SPAG16: variants seen among roughly 807,000 people sequenced by gnomAD.
The protein encoded by SPAG16 is sperm associated antigen 16.
In SPAG16, 86 loss-of-function variants were observed where a neutral mutation model predicts 80.4. That is an observed-to-expected ratio of 1.07 (90% CI 0.90 to 1.28). The LOEUF (loss-of-function observed/expected upper bound fraction) is 1.28, where lower values mean the gene tolerates loss of function less well. Ranked by LOEUF, SPAG16 falls within the 50% of genes most tolerant of loss-of-function variation. SPAG16 has a pLI of 0.00. For missense variants in SPAG16, 870 were observed against 765.3 expected, an observed-to-expected ratio of 1.14 and a Z score of -1.61; for synonymous variants, 294 against 265.9, an observed-to-expected ratio of 1.11 and a Z score of -1.03.
At chr2:213,981,888 C>A (rs1406492954) in intron 12 of SPAG16, among the ~76,000 whole-genome samples, 1 of 149,280 alleles carries the variant, frequency 6.7e-6, no homozygotes, top group African/African-American at 2.6e-5. Flanking sequence ...TGAAGGTATC[C>A]ATTTTCTTGG....
intron 15 of SPAG16, among the ~76,000 whole-genome samples, chr2:214,155,313 C>T (rs187605204): frequency 2.6e-5 from 4 of 152,258 alleles, no homozygotes; most frequent in Admixed American, 6.5e-5. Flanking sequence ...ATGGGAAAAC[C>T]TTACAATTCA....
chr2:214,359,659 T>C (rs1010448789), intron 15 of SPAG16, among the ~76,000 whole-genome samples: 3 of 151,808 alleles, frequency 2.0e-5, no homozygotes, highest in African/African-American at 4.8e-5. Flanking sequence ...GAACATAAAG[T>C]GTAGGTTAAA....
intron 9 of SPAG16, among the ~76,000 whole-genome samples, chr2:213,408,116 A>AG (rs2068765878): frequency 7.3e-6 from 1 of 137,124 alleles, no homozygotes; most frequent in African/African-American, 2.8e-5. Flanking sequence ...ACAAAAACAA[A>AG]GAAAAAAAAA....
intron 10 of SPAG16, among the ~76,000 whole-genome samples, chr2:213,531,968 A>G (rs2076085827): frequency 6.6e-6 from 1 of 152,146 alleles, no homozygotes; most frequent in Non-Finnish European, 1.5e-5. Flanking sequence ...ATTTTGATAC[A>G]AACACCCAAA....
chr2:214,314,099 T>C (rs1187826267), intron 15 of SPAG16, among the ~76,000 whole-genome samples: 1 of 152,148 alleles, frequency 6.6e-6, no homozygotes. Flanking sequence ...TAACATTGCA[T>C]TGTTACTACA....
At chr2:213,509,984 TATC>T (rs1339885158) in intron 10 of SPAG16, among the ~76,000 whole-genome samples, 1 of 151,964 alleles carries the variant, frequency 6.6e-6, no homozygotes, top group African/African-American at 2.4e-5. Context: ...ATAAAGGGGA[TATC>T]ACCACCGATC....
intron 9 of SPAG16, among the ~76,000 whole-genome samples, chr2:213,440,219 G>A (rs757448276): frequency 1.1e-4 from 16 of 152,042 alleles, no homozygotes; most frequent in Non-Finnish European, 1.9e-4. Context: ...TTCTCTATCC[G>A]ATATCACTTA....
intron 10 of SPAG16, among the ~76,000 whole-genome samples, chr2:213,557,839 T>A (rs1486049748): frequency 6.6e-6 from 1 of 152,186 alleles, no homozygotes; most frequent in Non-Finnish European, 1.5e-5. Context: ...TTAATTTTCT[T>A]CTCTATATTT....
chr2:214,032,147 A>G (rs1162363371), intron 13 of SPAG16, among the ~76,000 whole-genome samples: 1 of 152,158 alleles, frequency 6.6e-6, no homozygotes, highest in Non-Finnish European at 1.5e-5. Context: ...ATGAACTTCA[A>G]AGTATTTGTC....
intron 10 of SPAG16, among the ~76,000 whole-genome samples, chr2:213,705,230 A>G (rs571392071): frequency 1.3e-5 from 2 of 152,004 alleles, no homozygotes; most frequent in East Asian, 3.9e-4. Context: ...CCTGGGCAAC[A>G]GAGCAAGACT....
intron 14 of SPAG16, among the ~76,000 whole-genome samples, chr2:214,117,195 C>G (rs956506575): frequency 2.6e-5 from 4 of 151,728 alleles, no homozygotes; most frequent in Non-Finnish European, 4.4e-5. Context: ...AATCCTGGAG[C>G]TGAAAAATAT....
At chr2:214,200,492 A>C in intron 15 of SPAG16, among the ~76,000 whole-genome samples, 1 of 152,080 alleles carries the variant, frequency 6.6e-6, no homozygotes, top group East Asian at 1.9e-4. Context: ...GTTAGCTAGT[A>C]TTTTGTTGAG....
intron 15 of SPAG16, among the ~76,000 whole-genome samples, chr2:214,254,860 G>A (rs570192963): frequency 6.6e-6 from 1 of 151,832 alleles, no homozygotes; most frequent in East Asian, 1.9e-4. Context: ...TTTATGAATT[G>A]TAAAAATCTT....
intron 10 of SPAG16, among the ~76,000 whole-genome samples, chr2:213,654,671 T>C (rs989854097): frequency 6.6e-6 from 1 of 150,640 alleles, no homozygotes; most frequent in Non-Finnish European, 1.5e-5. Context: ...GAGCCGAGAT[T>C]GCGCCACTGC....
At chr2:214,056,455 G>T (rs1327990410) in intron 13 of SPAG16, among the ~76,000 whole-genome samples, 2 of 151,790 alleles carry the variant, frequency 1.3e-5, no homozygotes, top group African/African-American at 4.8e-5. Context: ...TTATGATACT[G>T]TAGTCTATTA....
intron 15 of SPAG16, among the ~76,000 whole-genome samples, chr2:214,362,636 A>G (rs553214006): frequency 1.3e-5 from 2 of 151,940 alleles, no homozygotes; most frequent in African/African-American, 2.4e-5. Context: ...CATAACAAAT[A>G]TATGTTTAAC....
intron 10 of SPAG16, among the ~76,000 whole-genome samples, chr2:213,493,999 C>T (rs1252709717): frequency 6.6e-6 from 1 of 152,288 alleles, no homozygotes; most frequent in Non-Finnish European, 1.5e-5. Flanking sequence ...TCCCCGTGTC[C>T]ACCACCAGTC....
chr2:214,217,163 T>C (rs1435215015), intron 15 of SPAG16, among the ~76,000 whole-genome samples: 1 of 152,226 alleles, frequency 6.6e-6, no homozygotes, highest in Non-Finnish European at 1.5e-5. Flanking sequence ...ACATTTTAGA[T>C]ATAAAAAGAG....
At chr2:213,363,147 G>T in intron 7 of SPAG16, among the ~76,000 whole-genome samples, 1 of 151,972 alleles carries the variant, frequency 6.6e-6, no homozygotes. Flanking sequence ...TTCATTATTT[G>T]TGAAAAATGT....
Sources: allele counts gnomAD v4.1 joint callset (sites outside exome capture counted in the v4.1 genomes callset), GRCh38; gene constraint gnomAD v4.1.1; transcripts MANE v1.5; gene names NCBI Gene and HGNC (gene_info 2026-07-23, HGNC 2026-07-21).